The following TUB variants were observed in gnomAD, a reference collection of about 807,000 sequenced individuals.
TUB encodes the protein TUB bipartite transcription factor, also known as tubby protein homolog.
A neutral mutation model predicts 59.7 loss-of-function variants in TUB; 33 were observed. The observed-to-expected ratio is 0.55, with a 90% confidence interval of 0.42 to 0.74. The LOEUF is 0.74. TUB is among the 30% of genes least tolerant of loss of function. The probability of loss-of-function intolerance (pLI) is 0.00; values close to 1 mark genes in which losing one functional copy is unlikely to be tolerated. For synonymous variants in TUB, 293 were observed against 256.4 expected (o/e 1.14, Z -1.36); for missense variants, 659 against 672.0 (o/e 0.98, Z 0.21).
intron 2 of TUB, among the ~76,000 whole-genome samples, chr11:8,059,338 A>G (rs1943078430): frequency 6.6e-6 from 1 of 152,196 alleles, no homozygotes; most frequent in Admixed American, 6.5e-5. Context: ...TACACCCTGG[A>G]GAGTACAGGG....
rs139456896 is a variant in TUB at position 8,100,566 on chromosome 11, A to G, written c.1180A>G (p.Met394Val). The change falls in exon 10 of 12, where the codon ATG (methionine) becomes GTG (valine). Residue 394 changes from methionine to valine, a missense_variant. Transcript: ENST00000299506. Reference protein sequence around the residue: ...KMSVIVPGMNMVHERVSIRPR... With the variant: ...KMSVIVPGMNVVHERVSIRPR... The stretch of plus-strand genomic sequence containing the variant: ...GAGCGTGATTGTCCCAGGCATGAAC[A>G]TGGTTCATGAGAGAGTCTCTATCCG... 573 of 1,614,120 alleles carry G rather than the reference A, an allele frequency of 3.5e-4. No homozygotes were observed. The highest frequency in any genetic ancestry group is 4.0e-4 in the Non-Finnish European group (467 of 1,179,998).
intron 2 of TUB, among the ~76,000 whole-genome samples, chr11:8,042,549 A>G (rs1942770001): frequency 6.6e-6 from 1 of 152,126 alleles, no homozygotes; most frequent in Admixed American, 6.5e-5. Flanking sequence ...TGGTTGCTGC[A>G]TTTTACATCC....
At chr11:8,056,056 G>T (rs545568295) in intron 2 of TUB, among the ~76,000 whole-genome samples, 54 of 152,296 alleles carry the variant, frequency 3.5e-4, no homozygotes, top group African/African-American at 1.1e-3. Context: ...GAGCAGGAAG[G>T]AGCTGGCTGC....
chr11:8,060,386 G>T (rs964793774), intron 2 of TUB, among the ~76,000 whole-genome samples: 3 of 152,174 alleles, frequency 2.0e-5, no homozygotes, highest in African/African-American at 7.2e-5. Flanking sequence ...GGGTCGGGTT[G>T]CTGGCCACCT....
At chr11:8,064,655 T>A (rs1278468194) in intron 2 of TUB, among the ~76,000 whole-genome samples, 1 of 152,150 alleles carries the variant, frequency 6.6e-6, no homozygotes, top group Non-Finnish European at 1.5e-5. Flanking sequence ...GACAGGGGCC[T>A]CCTCAGTGAT....
At position 8,096,772 on chromosome 11, in the gene TUB, G is replaced by A. The variant is rs146854339; in HGVS notation, c.653G>A (p.Arg218His). The change falls in exon 6 of 12, where the codon CGC becomes CAC. Residue 218 changes from arginine (R) to histidine (H), a missense_variant. Transcript: ENST00000299506. ...SSSSQLNSNT[R>H]PSSATSRKSV... ...TCCTCCCAGCTAAATAGTAACACCC[G>A]CCCCAGCTCTGCTACTAGCAGGAAG... is the stretch of plus-strand genomic sequence containing the variant. 52 of 1,614,002 alleles carry A rather than the reference G, an allele frequency of 3.2e-5. No individual in the cohort carries two copies. Among genetic ancestry groups the A allele is most frequent in the Non-Finnish European group, 4.0e-5 (47 of 1,179,996 alleles).
intron 8 of TUB, 80 bp from the exon 9 acceptor site, chr11:8,098,678 C>T (rs908105435): frequency 3.7e-6 from 4 of 1,072,540 alleles, no homozygotes; most frequent in Non-Finnish European, 5.6e-6. Context: ...TTGCAGGCTC[C>T]TCATAGGACA....
At position 8,101,837 on chromosome 11, in the gene TUB, TGAGA is replaced by T; in HGVS notation, c.*219_*222del. ...GAGCGGGTGGGTGGGTGTGAAGGGA[TGAGA>T]ATAATTCTTTCCATGCCACGAGATC... On this transcript the variant is annotated 3_prime_UTR_variant, in exon 12 of 12. Coordinates refer to ENST00000299506, the MANE Select transcript of TUB (RefSeq NM_177972.3). The T allele has an allele frequency of 4.5e-6, 3 of 670,694 alleles. No individual in the cohort carries two copies. Among genetic ancestry groups the T allele is most frequent in the Non-Finnish European group, 7.1e-6 (3 of 419,856 alleles). The allele number at this position is 670,694 out of a possible 1,614,324, so 41.5% of individuals were successfully genotyped here.
chr11:8,065,101 G>A (rs183134053), intron 2 of TUB, among the ~76,000 whole-genome samples: 2 of 152,308 alleles, frequency 1.3e-5, no homozygotes, highest in Admixed American at 1.3e-4. Flanking sequence ...GAAGCTGGCT[G>A]GGGGATCATC....
chr11:8,036,593 C>T (rs1942650172), upstream of TUB, among the ~76,000 whole-genome samples: 1 of 152,202 alleles, frequency 6.6e-6, no homozygotes, highest in Admixed American at 6.5e-5. Context: ...CAGCAATGGC[C>T]AACTACAAAG....
intron 2 of TUB, among the ~76,000 whole-genome samples, chr11:8,043,987 C>CTTA (rs1185736324): frequency 2.6e-5 from 4 of 152,112 alleles, no homozygotes; most frequent in Non-Finnish European, 4.4e-5. Flanking sequence ...CCCCACCCCC[C>CTTA]TTCTTCTGGC....
In TUB at chr11:8,038,963, G is replaced by T. The variant is rs759607555; in HGVS notation, c.90G>T (p.Met30Ile). ...TCCCAGGAGGCACTCCCTGGCCCAT[G>T]GGATCTCAGCATTCAAAGCAGCACA... Residue 30 changes from methionine to isoleucine, a missense_variant, in exon 1 of 13, where the codon ATG becomes ATT. Met to Ile is a conservative substitution (Grantham distance 10). Transcript: ENST00000305253. 2 of 1,614,048 alleles carry T rather than the reference G, an allele frequency of 1.2e-6. No homozygotes were observed. The highest frequency in any genetic ancestry group is 1.7e-6 in the Non-Finnish European group (2 of 1,180,002).
rs1003069252 is a variant in TUB, at chr11:8,047,839, G to T, written c.203+8147G>T. Among the ~76,000 whole-genome samples, 16 of 152,194 alleles carry T rather than the reference G, an allele frequency of 1.1e-4. 1 individual carries two copies. Among genetic ancestry groups the T allele is most frequent in the South Asian group, 4.1e-4 (2 of 4,830 alleles). On this transcript the variant is annotated intron_variant, in intron 2 of 12. Transcript: ENST00000305253. ...GCCACAAAGAGCCTGATGCATCACA[G>T]GACATTTTTCTTGAAAAGAGATTTT...
In TUB at chr11:8,081,472, G is replaced by C; in HGVS notation, c.-39G>C. 4.1e-6 allele frequency: 6 copies of C among 1,457,738 alleles called. No homozygotes were observed. The highest frequency in any genetic ancestry group is 5.4e-6 in the Non-Finnish European group (6 of 1,110,378). 90.3% of individuals were successfully genotyped at this position (1,457,738 alleles called of 1,614,324 possible). On this transcript the variant is annotated 5_prime_UTR_variant, in exon 1 of 12. Transcript: ENST00000299506. ...CCCGCGCCGGCCCCTCCGGGCCCCG[G>C]CCTCCAGAGCCGCAGCCACCGCCCC...
intron 1 of TUB, among the ~76,000 whole-genome samples, chr11:8,085,463 C>T (rs1315949636): frequency 1.3e-5 from 2 of 152,202 alleles, no homozygotes; most frequent in Admixed American, 6.5e-5. Context: ...TGCACTGGTT[C>T]CCACTGTGTC....
At chr11:8,072,158 G>A (rs1015115006) in intron 2 of TUB, among the ~76,000 whole-genome samples, 7 of 152,152 alleles carry the variant, frequency 4.6e-5, no homozygotes, top group Non-Finnish European at 5.9e-5. Flanking sequence ...TGCAAAGGAC[G>A]CAGAGGGGGA....
chr11:8,094,604 C>T (rs879592345), intron 4 of TUB, among the ~76,000 whole-genome samples: 7 of 152,192 alleles, frequency 4.6e-5, no homozygotes, highest in South Asian at 4.1e-4. Flanking sequence ...GTCAGCTCTT[C>T]GTATAATGTG....
At chr11:8,099,790 A>C (rs1018441091) in intron 9 of TUB, among the ~76,000 whole-genome samples, 4 of 151,924 alleles carry the variant, frequency 2.6e-5, no homozygotes, top group Non-Finnish European at 4.4e-5. Context: ...TCTTGAGTAA[A>C]GACCAGAAGG....
intron 2 of TUB, among the ~76,000 whole-genome samples, chr11:8,053,269 A>G (rs985090647): frequency 1.3e-5 from 2 of 152,134 alleles, no homozygotes; most frequent in Non-Finnish European, 2.9e-5. Flanking sequence ...TTTTCATTCA[A>G]CTTACTTCTA....
Sources: gnomAD v4.1 joint callset for allele counts (sites outside exome capture counted in the v4.1 genomes callset) on GRCh38, gnomAD v4.1.1 for gene constraint, MANE v1.5 for transcripts, NCBI Gene and HGNC (gene_info 2026-07-23, HGNC 2026-07-21) for gene names.